RGS7: variants seen among roughly 807,000 people sequenced by gnomAD.
The protein encoded by RGS7 is regulator of G-protein signaling 7.
Under a neutral mutation model 81.1 loss-of-function variants are expected in RGS7, and 27 were observed. That is an observed-to-expected ratio of 0.33 (90% CI 0.25 to 0.46). RGS7 has a LOEUF of 0.46. RGS7 is among the 20% of genes least tolerant of loss of function. RGS7 has a pLI of 1.00. For missense variants in RGS7, 396 were observed against 607.4 expected (o/e 0.65, Z 3.66); for synonymous variants, 208 against 207.7 (o/e 1.00, Z -0.01).
chr1:240,936,744 T>C, intron 4 of RGS7, 38 bp from the exon 5 acceptor site: 1 of 1,465,724 alleles, frequency 6.8e-7, no homozygotes, highest in Non-Finnish European at 9.6e-7. Context: ...TAAAAAAGCC[T>C]TTTAAATGTA....
At chr1:241,275,532 G>A (rs1443148653) in intron 2 of RGS7, among the ~76,000 whole-genome samples, 1 of 152,152 alleles carries the variant, frequency 6.6e-6, no homozygotes, top group Non-Finnish European at 1.5e-5. Flanking sequence ...GGAAACGTTG[G>A]TGACCCTTGA....
chr1:240,899,390 T>C (rs182413046), intron 6 of RGS7, among the ~76,000 whole-genome samples: 4 of 152,338 alleles, frequency 2.6e-5, no homozygotes, highest in African/African-American at 9.6e-5. Flanking sequence ...CGATGGTCTT[T>C]ACAATTTGGC....
At chr1:241,133,214 TAAG>T (rs1011143777) in intron 2 of RGS7, among the ~76,000 whole-genome samples, 1 of 151,872 alleles carries the variant, frequency 6.6e-6, no homozygotes, top group Non-Finnish European at 1.5e-5. Context: ...TCATAAGAAA[TAAG>T]AGAAAAACCA....
intron 7 of RGS7, among the ~76,000 whole-genome samples, chr1:240,869,480 T>G (rs1482671588): frequency 6.6e-6 from 1 of 152,236 alleles, no homozygotes; most frequent in Non-Finnish European, 1.5e-5. Context: ...ATCTGACATT[T>G]CGACAGTTAA....
rs141928489 is a variant in RGS7, at chr1:241,010,822, C to A, written c.176-27693G>T. ...GTCAACAGGGAGAATATGCAGATGTCTCTGGTGGAAGAGGTGATAAGCTCC... is the reference window on the plus strand; with the variant it reads ...GTCAACAGGGAGAATATGCAGATGTATCTGGTGGAAGAGGTGATAAGCTCC... On this transcript the variant is annotated intron_variant, in intron 3 of 18. Transcript: ENST00000440928. Among the ~76,000 whole-genome samples the A allele has an allele frequency of 1.4e-3, 209 of 152,258 alleles. 2 individuals carry two copies. The highest frequency in any genetic ancestry group is 4.9e-3 in the African/African-American group (202 of 41,546).
intron 3 of RGS7, among the ~76,000 whole-genome samples, chr1:241,002,358 C>T (rs867191199): frequency 4.0e-5 from 6 of 151,414 alleles, no homozygotes; most frequent in African/African-American, 1.5e-4. Flanking sequence ...GAGGCTGAGG[C>T]ATGGGAATGG....
chr1:240,894,084 A>G (rs35655609), intron 6 of RGS7, among the ~76,000 whole-genome samples: 19,074 of 152,188 alleles, frequency 0.13, 1,311 homozygotes, highest in Middle Eastern at 0.18. Flanking sequence ...CTATACAAAT[A>G]TAGGTTACCT....
intron 15 of RGS7, among the ~76,000 whole-genome samples, chr1:240,805,248 G>A (rs2103067870): frequency 1.3e-5 from 2 of 152,204 alleles, no homozygotes; most frequent in South Asian, 4.2e-4. Context: ...GCCAGGCATG[G>A]TGGTGCATGC....
At chr1:240,794,631 C>A (rs1686676463) in intron 18 of RGS7, among the ~76,000 whole-genome samples, 1 of 152,172 alleles carries the variant, frequency 6.6e-6, no homozygotes, top group Non-Finnish European at 1.5e-5. Flanking sequence ...ATGACTCAAT[C>A]CCGAACAGAA....
At chr1:241,146,080 G>A (rs2068291380) in intron 2 of RGS7, among the ~76,000 whole-genome samples, 1 of 152,102 alleles carries the variant, frequency 6.6e-6, no homozygotes, top group South Asian at 2.1e-4. Context: ...TGGAGAGTGG[G>A]GGTGGCAGAT....
At chr1:240,898,391 A>G (rs1414902132) in intron 6 of RGS7, among the ~76,000 whole-genome samples, 2 of 152,070 alleles carry the variant, frequency 1.3e-5, no homozygotes, top group Non-Finnish European at 2.9e-5. Flanking sequence ...TCAATTTTAC[A>G]TCTTTCCTGC....
intron 2 of RGS7, among the ~76,000 whole-genome samples, chr1:241,183,445 A>C (rs1472630237): frequency 6.6e-6 from 1 of 152,148 alleles, no homozygotes; most frequent in Non-Finnish European, 1.5e-5. Context: ...GTAGATACCC[A>C]AAGTACAATA....
At chr1:240,809,734 A>C (rs2103087119) in intron 14 of RGS7, among the ~76,000 whole-genome samples, 1 of 152,344 alleles carries the variant, frequency 6.6e-6, no homozygotes, top group African/African-American at 2.4e-5. Context: ...TAGTAGATAT[A>C]AAATATATTC....
chr1:240,990,609 T>C (rs947721488), intron 3 of RGS7, among the ~76,000 whole-genome samples: 1 of 152,258 alleles, frequency 6.6e-6, no homozygotes, highest in African/African-American at 2.4e-5. Flanking sequence ...TTGTTACTTC[T>C]GGATTTTTAT....
At chr1:241,231,533 A>G (rs2075662352) in intron 2 of RGS7, among the ~76,000 whole-genome samples, 1 of 151,958 alleles carries the variant, frequency 6.6e-6, no homozygotes, top group Admixed American at 6.6e-5. Flanking sequence ...TAATTTTTGT[A>G]TTTTTAGTAG....
intron 2 of RGS7, among the ~76,000 whole-genome samples, chr1:241,301,644 T>A (rs1418880123): frequency 6.6e-6 from 1 of 152,234 alleles, no homozygotes; most frequent in Admixed American, 6.5e-5. Flanking sequence ...AAATTGTGAA[T>A]TTATTAAAAT....
At position 240,782,738 on chromosome 1, in the gene RGS7, T is replaced by A. The variant is rs191663286; in HGVS notation, c.*7-6525A>T. 8.5e-5 allele frequency among the ~76,000 whole-genome samples: 13 copies of A among 152,322 alleles called. No individual in the cohort carries two copies. In the East Asian group the frequency reaches 2.1e-3, roughly 25 times the overall value. On this transcript the variant is annotated intron_variant, in intron 18 of 18. Transcript: ENST00000440928. ...TGCCCGACCAAATATGAGACATTTT[T>A]ATAGCTAAGTTTTAAAGTCTTAATT...
intron 6 of RGS7, among the ~76,000 whole-genome samples, chr1:240,890,132 C>T (rs1246034074): frequency 6.6e-6 from 1 of 152,192 alleles, no homozygotes; most frequent in Non-Finnish European, 1.5e-5. Context: ...GGTGGACATA[C>T]TTCCTTGATC....
chr1:240,855,310 A>G (rs1303253144), intron 9 of RGS7, among the ~76,000 whole-genome samples: 1 of 20,334 alleles, frequency 4.9e-5, no homozygotes, highest in Non-Finnish European at 5.8e-4. Flanking sequence ...CCATGTCTCA[A>G]AAAAAAAAAA....
Sources: gnomAD v4.1 joint callset for allele counts (sites outside exome capture counted in the v4.1 genomes callset) on GRCh38, gnomAD v4.1.1 for gene constraint, MANE v1.5 for transcripts, NCBI Gene and HGNC (gene_info 2026-07-23, HGNC 2026-07-21) for gene names.